The following ERN1 variants were observed in gnomAD, a reference collection of about 807,000 sequenced individuals.
ERN1 encodes endoplasmic reticulum to nucleus signaling 1.
In ERN1, 39 loss-of-function variants were observed where a neutral mutation model predicts 113.1. That is an observed-to-expected ratio of 0.34 (90% CI 0.27 to 0.45). ERN1 has a LOEUF of 0.45. Among genes scored for constraint, ERN1 ranks in the 20% least tolerant of loss-of-function variants. ERN1 has a pLI of 1.00. For synonymous variants in ERN1, 507 were observed against 515.9 expected (o/e 0.98, Z 0.23); for missense variants, 976 against 1,274.8 (o/e 0.77, Z 3.57).
intron 1 of ERN1, among the ~76,000 whole-genome samples, chr17:64,100,059 A>G (rs1914342670): frequency 6.6e-6 from 1 of 152,240 alleles, no homozygotes; most frequent in Admixed American, 6.5e-5. Context: ...CAAGGGTGGT[A>G]TCTGCCCTAG....
intron 1 of ERN1, among the ~76,000 whole-genome samples, chr17:64,111,777 C>A (rs1488137719): frequency 6.6e-6 from 1 of 152,084 alleles, no homozygotes; most frequent in African/African-American, 2.4e-5. Context: ...TGAAGAATAG[C>A]AACATCTCTC....
intron 1 of ERN1, among the ~76,000 whole-genome samples, chr17:64,123,752 T>C (rs1260879260): frequency 6.6e-6 from 1 of 151,824 alleles, no homozygotes; most frequent in Admixed American, 6.6e-5. Context: ...ATAATTTTTA[T>C]AATGAAAATA....
chr17:64,111,567 G>A (rs911570115), intron 1 of ERN1, among the ~76,000 whole-genome samples: 1 of 152,098 alleles, frequency 6.6e-6, no homozygotes. Context: ...ATGTTAGCCA[G>A]GCTGGTCTCA....
At position 64,079,688 on chromosome 17, in the gene ERN1, C is replaced by T. The variant is rs1283353431; in HGVS notation, c.256G>A (p.Gly86Arg). ...GTCAGGCCTTCATTATTCTTGCTTCCAAGCGTATACAGGCTGCCATCATTA... is the reference window on the plus strand; with the variant it reads ...GTCAGGCCTTCATTATTCTTGCTTCTAAGCGTATACAGGCTGCCATCATTA... ...DPNDGSLYTL[G>R]SKNNEGLTKL... The change falls in exon 4 of 22, where the codon GGA becomes AGA. Residue 86 changes from glycine (G) to arginine (R), a missense_variant. Physicochemically the swap from Gly to Arg is moderately radical, Grantham distance 125 (BLOSUM62 -2). Transcript: ENST00000433197. 1.2e-6 allele frequency: 2 copies of T among 1,613,704 alleles called. No homozygotes were observed. Among genetic ancestry groups the T allele is most frequent in the Non-Finnish European group, 1.7e-6 (2 of 1,179,772 alleles).
intron 2 of ERN1, among the ~76,000 whole-genome samples, chr17:64,091,519 A>G (rs1174470548): frequency 6.6e-6 from 1 of 152,218 alleles, no homozygotes; most frequent in Non-Finnish European, 1.5e-5. Context: ...AACACAAGCC[A>G]GAAGTGCCAC....
At chr17:64,072,886 T>G (rs1913464743) in intron 5 of ERN1, among the ~76,000 whole-genome samples, 1 of 152,242 alleles carries the variant, frequency 6.6e-6, no homozygotes, top group African/African-American at 2.4e-5. Context: ...TTCCATTTTG[T>G]AAAGCATGAT....
intron 1 of ERN1, among the ~76,000 whole-genome samples, chr17:64,108,731 C>T (rs1399560137): frequency 6.6e-6 from 1 of 152,142 alleles, no homozygotes; most frequent in Admixed American, 6.5e-5. Flanking sequence ...CTAATACAGG[C>T]CTGACAGACT....
At chr17:64,073,369 G>T (rs1328760970) in intron 5 of ERN1, among the ~76,000 whole-genome samples, 1 of 145,744 alleles carries the variant, frequency 6.9e-6, no homozygotes, top group African/African-American at 2.5e-5. Context: ...TAGAGACAGG[G>T]TTTCACCGTG....
Position 64,130,052 on chromosome 17 carries a change from C to T in ERN1, c.-23G>A, listed in dbSNP as rs762763234. On this transcript the variant is annotated 5_prime_UTR_variant, in exon 1 of 22. Transcript: ENST00000433197. This position sits in a 1 kb window ranked among gnomAD's most constrained non-coding sequence, Gnocchi z 4.0. ...CATGGCGAGGACTCGGCCCTGGCTC[C>T]GGGGGCGGTACGGACAGAGGACGGG... The T allele has an allele frequency of 5.4e-5, 75 of 1,391,312 alleles. No individual in the cohort carries two copies. Among genetic ancestry groups the T allele is most frequent in the Non-Finnish European group, 6.3e-5 (68 of 1,080,916 alleles). 86.2% of individuals were successfully genotyped at this position (1,391,312 alleles called of 1,614,324 possible).
At chr17:64,045,573 A>G (rs1912487737) in intron 19 of ERN1, 91 bp from the exon 20 acceptor site, 2 of 1,548,516 alleles carry the variant, frequency 1.3e-6, no homozygotes, top group South Asian at 1.1e-5. Flanking sequence ...CATCACTGAC[A>G]CATAAGCCTG....
At chr17:64,074,488 A>G (rs980026574) in intron 5 of ERN1, among the ~76,000 whole-genome samples, 11 of 152,350 alleles carry the variant, frequency 7.2e-5, no homozygotes, top group African/African-American at 2.6e-4. Context: ...GCAAAACCTT[A>G]AAAGTCTGGC....
rs373983924 is a variant in ERN1, at chr17:64,064,065, G to C, written c.1008C>G (p.Pro336=). 2.2e-5 allele frequency: 35 copies of C among 1,613,788 alleles called. No individual in the cohort carries two copies. In the African/African-American group the frequency reaches 4.4e-4, roughly 20 times the overall value. Residue 336 remains proline (P), a synonymous_variant, in exon 10 of 22, where the codon CCC becomes CCG. Coordinates refer to ENST00000433197, the MANE Select transcript of ERN1 (RefSeq NM_001433.5). ...IGDKGECVIT[P]STDVKFDPGL... is the part of the protein sequence containing the mutation. ...CGGGATCAAACTTGACGTCCGTGCT[G>C]GGCGTGATCACACACTCCCCCTTGT...
At position 64,079,715 on chromosome 17, in the gene ERN1, G is replaced by A; in HGVS notation, c.229C>T (p.Pro77Ser). ...AGCGTATACAGGCTGCCATCATTAG[G>A]ATCTGGGAGAAAGGCAGGCCTAGAG... ...HVEEPAFLPD[P>S]NDGSLYTLGS... is the part of the protein sequence containing the mutation. Residue 77 changes from proline to serine, a missense_variant, in exon 4 of 22, where the codon CCT (proline) becomes TCT (serine). This residue lies in a region of ERN1 where 459 missense variants were observed against 581.2 expected (regional missense o/e 0.79). Coordinates refer to ENST00000433197, the MANE Select transcript of ERN1 (RefSeq NM_001433.5). The A allele has an allele frequency of 6.2e-7, 1 of 1,613,614 alleles. No homozygotes were observed. Among genetic ancestry groups the A allele is most frequent in the Non-Finnish European group, 8.5e-7 (1 of 1,179,574 alleles).
At chr17:64,092,693 T>C (rs1247111304) in intron 2 of ERN1, among the ~76,000 whole-genome samples, 1 of 152,202 alleles carries the variant, frequency 6.6e-6, no homozygotes, top group Non-Finnish European at 1.5e-5. Context: ...TGCTATAGAA[T>C]AACCTGTAAT....
intron 1 of ERN1, among the ~76,000 whole-genome samples, chr17:64,121,978 T>A (rs567199859): frequency 6.6e-6 from 1 of 152,340 alleles, no homozygotes; most frequent in South Asian, 2.1e-4. Flanking sequence ...TATCTGGGTA[T>A]TTTCCTGAAG....
intron 2 of ERN1, among the ~76,000 whole-genome samples, chr17:64,094,442 G>A (rs1367668734): frequency 6.6e-6 from 1 of 152,114 alleles, no homozygotes; most frequent in Non-Finnish European, 1.5e-5. Context: ...TTGAAACTGT[G>A]TATACGTAGT....
rs1567858693 is a variant in ERN1, at chr17:64,043,959, G to A, written c.*29C>T. 1.3e-6 allele frequency: 2 copies of A among 1,490,558 alleles called. No homozygotes were observed. The highest frequency in any genetic ancestry group is 2.3e-5 in the East Asian group (1 of 44,154). The allele number at this position is 1,490,558 out of a possible 1,614,324, so 92.3% of individuals were successfully genotyped here. A position where few individuals can be genotyped will look rare whatever the true frequency, so the allele number is the denominator to read the frequency against. ...TGACCAGGCCCTCAGTCACAGCTGG[G>A]GCCACCAGAACAGAGGGGCCGCCCT... On this transcript the variant is annotated 3_prime_UTR_variant, in exon 22 of 22. Coordinates refer to ENST00000433197, the MANE Select transcript of ERN1 (RefSeq NM_001433.5).
intron 1 of ERN1, among the ~76,000 whole-genome samples, chr17:64,127,196 G>A (rs1915103050): frequency 6.6e-6 from 1 of 152,126 alleles, no homozygotes. Flanking sequence ...ATGAGTCAAT[G>A]TCTGGCTCAA....
intron 1 of ERN1, chr17:64,129,554 G>A: frequency 2.9e-6 from 1 of 346,670 alleles, no homozygotes; most frequent in South Asian, 1.5e-4. Context: ...ACGCCCTTTC[G>A]GCTCCTCCGC....
Sources: allele counts gnomAD v4.1 joint callset (sites outside exome capture counted in the v4.1 genomes callset), GRCh38; gene constraint gnomAD v4.1.1; regional missense constraint gnomAD v4.1.1; non-coding constraint Gnocchi (gnomAD v3.1); transcripts MANE v1.5; gene names NCBI Gene and HGNC (gene_info 2026-07-23, HGNC 2026-07-21).